UNC80: variants seen among roughly 807,000 people sequenced by gnomAD.
UNC80 encodes the protein unc-80 subunit of NALCN channel complex.
In UNC80, 164 loss-of-function variants were observed where a neutral mutation model predicts 384.6. The ratio of observed to expected loss-of-function variants is 0.43; its 90% confidence interval spans 0.38 to 0.49. UNC80 has a LOEUF of 0.49. Among genes scored for constraint, UNC80 ranks in the 20% least tolerant of loss-of-function variants. UNC80 has a pLI of 0.00. For synonymous variants in UNC80, 1,486 were observed against 1,527.8 expected (o/e 0.97, Z 0.64); for missense variants, 3,330 against 4,143.0 (o/e 0.80, Z 5.39).
chr2:209,977,815 A>G (rs1406377285), intron 58 of UNC80, among the ~76,000 whole-genome samples: 2 of 152,230 alleles, frequency 1.3e-5, no homozygotes, highest in Admixed American at 1.3e-4. Flanking sequence ...GAAGGAAAAT[A>G]AATCATTATT....
intron 47 of UNC80, among the ~76,000 whole-genome samples, chr2:209,949,139 TG>T (rs1241538527): frequency 6.6e-6 from 1 of 152,212 alleles, no homozygotes; most frequent in Admixed American, 6.5e-5. Context: ...ATGAGAGCTA[TG>T]TCTGTAATTT....
At chr2:209,905,561 G>A (rs976401034) in intron 29 of UNC80, among the ~76,000 whole-genome samples, 4 of 152,078 alleles carry the variant, frequency 2.6e-5, no homozygotes, top group African/African-American at 7.2e-5. Context: ...CCACAGCCCC[G>A]CCAATCCGTT....
intron 7 of UNC80, chr2:209,795,579 A>C (rs1466773959): frequency 1.3e-5 from 2 of 152,216 alleles, no homozygotes; most frequent in Non-Finnish European, 2.9e-5. Flanking sequence ...CCAGGAGGAA[A>C]AAGCAGTTTC....
intron 34 of UNC80, 146 bp downstream of exon 34, chr2:209,921,832 GA>G: frequency 9.3e-7 from 1 of 1,077,126 alleles, no homozygotes; most frequent in Non-Finnish European, 1.3e-6. Context: ...CAAAGAAAGA[GA>G]AAAGTTGTTT....
Position 209,872,991 on chromosome 2 carries a change from T to C in UNC80, c.3840+21T>C. The C allele has an allele frequency of 1.3e-6, 2 of 1,548,906 alleles. No homozygotes were observed. Among genetic ancestry groups the C allele is most frequent in the Non-Finnish European group, 1.7e-6 (2 of 1,144,532 alleles). On this transcript the variant is annotated intron_variant, in intron 23 of 64. Coordinates refer to ENST00000673920, the MANE Select transcript of UNC80 (RefSeq NM_001371986.1). This position sits in a 1 kb window ranked among gnomAD's most constrained non-coding sequence, Gnocchi z 4.1. ...GAGACGTGAGCTTTCGGTTTTCTTC[T>C]ATAACAATTAGGTTGCTTAAGTGAA...
intron 25 of UNC80, among the ~76,000 whole-genome samples, chr2:209,882,242 G>T (rs897568309): frequency 6.6e-6 from 1 of 152,010 alleles, no homozygotes; most frequent in African/African-American, 2.4e-5. Flanking sequence ...CTAGGATTAA[G>T]GTGTGAGCCA....
rs979137694 is a variant in UNC80, at chr2:209,878,170, C to T, written c.3976+81C>T. On this transcript the variant is annotated intron_variant, in intron 24 of 64. Transcript: ENST00000673920. The stretch of plus-strand genomic sequence containing the variant: ...GAGCACTTAATACTTCTCTTTTCTC[C>T]TTCATATTCTTACCACCTCCCCATG... 4.5e-6 allele frequency: 6 copies of T among 1,336,402 alleles called. No individual in the cohort carries two copies. The South Asian group carries it at 7.1e-5, about 16-fold the overall frequency. The allele number at this position is 1,336,402 out of a possible 1,614,324, so 82.8% of individuals were successfully genotyped here.
intron 13 of UNC80, among the ~76,000 whole-genome samples, chr2:209,821,118 G>C (rs566932431): frequency 1.3e-5 from 2 of 149,564 alleles, no homozygotes; most frequent in Non-Finnish European, 2.9e-5. Flanking sequence ...CTGGAGGCTG[G>C]GAAGTCCAAG....
At chr2:209,844,692 T>C (rs763427090) in intron 21 of UNC80, among the ~76,000 whole-genome samples, 7 of 151,600 alleles carry the variant, frequency 4.6e-5, no homozygotes, top group Non-Finnish European at 1.0e-4. Context: ...CAGGCTCAAA[T>C]GATCGTCCTG....
intron 5 of UNC80, among the ~76,000 whole-genome samples, chr2:209,788,417 CAA>C (rs1350420721): frequency 3.0e-5 from 3 of 99,786 alleles, no homozygotes; most frequent in African/African-American, 3.8e-5. Context: ...AACTCCATCT[CAA>C]AAAAAAAAAA....
At chr2:209,992,134 C>G (rs746870872) in intron 61 of UNC80, 32 bp from the exon 62 acceptor site, 1 of 1,537,738 alleles carries the variant, frequency 6.5e-7, no homozygotes, top group Non-Finnish European at 8.8e-7. Context: ...GTACTCTCTC[C>G]GGGGTACACT....
intron 61 of UNC80, among the ~76,000 whole-genome samples, chr2:209,986,548 A>G (rs2093292740): frequency 1.3e-5 from 2 of 152,214 alleles, no homozygotes; most frequent in South Asian, 2.1e-4. Flanking sequence ...TCAGAGCCAA[A>G]GCTATTGATT....
At chr2:209,826,776 A>G (rs996423651) in intron 14 of UNC80, among the ~76,000 whole-genome samples, 14 of 152,162 alleles carry the variant, frequency 9.2e-5, no homozygotes, top group Admixed American at 8.5e-4. Flanking sequence ...CTTCATATGT[A>G]TGTTTGAATT....
intron 48 of UNC80, among the ~76,000 whole-genome samples, chr2:209,955,738 T>TATATATAC (rs1437539911): frequency 1.4e-3 from 76 of 53,484 alleles, no homozygotes; most frequent in Non-Finnish European, 2.0e-3. Flanking sequence ...TATATATATA[T>TATATATAC]ACACACACAC....
At chr2:209,874,851 A>G (rs1278755451) in intron 23 of UNC80, among the ~76,000 whole-genome samples, 1 of 151,956 alleles carries the variant, frequency 6.6e-6, no homozygotes, top group Non-Finnish European at 1.5e-5. Flanking sequence ...CCAAAATAAA[A>G]CCCTTCTCCT....
intron 7 of UNC80, among the ~76,000 whole-genome samples, chr2:209,807,773 T>C (rs2079001967): frequency 6.6e-6 from 1 of 152,246 alleles, no homozygotes; most frequent in Non-Finnish European, 1.5e-5. Context: ...TACCTGATAA[T>C]ACTATCTTAA....
At chr2:209,789,374 T>C (rs1308197315) in intron 5 of UNC80, among the ~76,000 whole-genome samples, 158 bp from the exon 6 acceptor site, 3 of 152,244 alleles carry the variant, frequency 2.0e-5, no homozygotes, top group Non-Finnish European at 4.4e-5. Flanking sequence ...GATTTTTGAA[T>C]TGGTTATTTG....
At position 209,970,869 on chromosome 2, in the gene UNC80, G is replaced by A; in HGVS notation, c.8168G>A (p.Gly2723Glu). ...GTAGGACCTTCCAGTGTTGCTGATG[G>A]ATTACCCCTTCTTCATCTCAGCCCT... ...GVVGPSSVAD[G>E]LPLLHLSPYL... is the part of the protein sequence containing the mutation. The change falls in exon 54 of 65, where the codon GGA (glycine) becomes GAA (glutamate). Residue 2723 changes from glycine to glutamate, a missense_variant. Gly to Glu is a moderately conservative substitution (Grantham distance 98). Around this residue, in one of 8 missense-constraint regions of UNC80, gnomAD observed 1,049 missense variants for 1,488.6 expected, o/e 0.70. Transcript: ENST00000673920. 1 of 1,551,630 alleles carries A rather than the reference G, an allele frequency of 6.4e-7. No homozygotes were observed. The highest frequency in any genetic ancestry group is 8.7e-7 in the Non-Finnish European group (1 of 1,146,980).
chr2:209,817,735 C>T lies in UNC80; in HGVS notation c.1553-77C>T, dbSNP rs548540254. 8.4e-5 allele frequency: 127 copies of T among 1,517,156 alleles called. No homozygotes were observed. In the African/African-American group the frequency reaches 1.6e-3, roughly 19 times the overall value. 94.0% of individuals were successfully genotyped at this position (1,517,156 alleles called of 1,614,324 possible). On this transcript the variant is annotated intron_variant, in intron 10 of 64. Transcript: ENST00000673920. Reference sequence around the variant, plus strand: ...ACAGCCCCACACTCTCCCTGCTGTCCTTGGGAAAGACAATATCTTGGCAGA... The same window carrying T: ...ACAGCCCCACACTCTCCCTGCTGTCTTTGGGAAAGACAATATCTTGGCAGA...
Sources: allele counts gnomAD v4.1 joint callset (sites outside exome capture counted in the v4.1 genomes callset), GRCh38; gene constraint gnomAD v4.1.1; regional missense constraint gnomAD v4.1.1; non-coding constraint Gnocchi (gnomAD v3.1); transcripts MANE v1.5; gene names NCBI Gene and HGNC (gene_info 2026-07-23, HGNC 2026-07-21).